WTAP: variants seen among roughly 807,000 people sequenced by gnomAD.
The protein encoded by WTAP is WT1 associated protein.
A neutral mutation model predicts 50.0 loss-of-function variants in WTAP; 8 were observed. The observed-to-expected ratio is 0.16, with a 90% CI of 0.09 to 0.29. The LOEUF (loss-of-function observed/expected upper bound fraction) is 0.29. Among genes scored for constraint, WTAP ranks in the 10% least tolerant of loss-of-function variants. The pLI is 1.00. For synonymous variants in WTAP, 194 were observed against 169.0 expected (o/e 1.15, Z -1.15); for missense variants, 295 against 470.7 (o/e 0.63, Z 3.45).
Position 159,748,076 on chromosome 6 carries a change from A to T in WTAP, c.274-115A>T. On this transcript the variant is annotated intron_variant, in intron 5 of 7. Transcript: ENST00000621533. This position sits in a 1 kb window ranked among gnomAD's most constrained non-coding sequence, Gnocchi z 5.6. The stretch of plus-strand genomic sequence containing the variant: ...TTTCTAGAGAATTTCAGGATCAAAG[A>T]GGGGAGGAGCTTAATGAAAGAGTTG... The T allele has an allele frequency of 7.9e-7, 1 of 1,272,964 alleles. No homozygotes were observed. Among genetic ancestry groups the T allele is most frequent in the Non-Finnish European group, 1.1e-6 (1 of 932,448 alleles). The allele number at this position is 1,272,964 out of a possible 1,614,324, so 78.9% of individuals were successfully genotyped here.
intron 2 of WTAP, among the ~76,000 whole-genome samples, chr6:159,737,881 G>A (rs1454038989): frequency 6.6e-6 from 1 of 152,180 alleles, no homozygotes; most frequent in African/African-American, 2.4e-5. Flanking sequence ...TTTGAAGCAT[G>A]TTAGCTTATG....
Position 159,748,430 on chromosome 6 carries a change from G to C in WTAP, c.452+61G>C, listed in dbSNP as rs756971122. On this transcript the variant is annotated intron_variant, in intron 6 of 7. Transcript: ENST00000621533. The surrounding 1 kb of genome is among the most constrained non-coding windows in gnomAD (Gnocchi z 5.6). ...GACAGTCCCACTACGAGAAAGCTGT[G>C]GTGGGACAGCCAAGTACTCGTTTCC... 1.1e-5 allele frequency: 18 copies of C among 1,591,870 alleles called. No individual in the cohort carries two copies. Among genetic ancestry groups the C allele is most frequent in the Non-Finnish European group, 1.5e-5 (18 of 1,166,998 alleles).
intron 2 of WTAP, among the ~76,000 whole-genome samples, chr6:159,737,816 G>A (rs1779013216): frequency 6.6e-6 from 1 of 152,156 alleles, no homozygotes; most frequent in South Asian, 2.1e-4. Flanking sequence ...AGGTAGGAGA[G>A]GTATCTCACC....
At chr6:159,737,846 G>A (rs1394179914) in intron 2 of WTAP, among the ~76,000 whole-genome samples, 1 of 152,210 alleles carries the variant, frequency 6.6e-6, no homozygotes, top group Admixed American at 6.5e-5. Context: ...TTTATTTGGT[G>A]TAGTGAATAT....
At chr6:159,747,886 C>A (rs1321418734) in intron 5 of WTAP, among the ~76,000 whole-genome samples, 3 of 57,416 alleles carry the variant, frequency 5.2e-5, no homozygotes, top group African/African-American at 1.5e-4. Context: ...AAGTGAGTAA[C>A]CTTAAATAGT....
chr6:159,738,350 CTA>C (rs1779045934), intron 2 of WTAP, among the ~76,000 whole-genome samples: 1 of 152,146 alleles, frequency 6.6e-6, no homozygotes, highest in African/African-American at 2.4e-5. Context: ...CTTTTTGAGA[CTA>C]TTTTTTTTCC....
At chr6:159,734,983 A>G (rs747523547) in intron 1 of WTAP, among the ~76,000 whole-genome samples, 9 of 152,236 alleles carry the variant, frequency 5.9e-5, no homozygotes, top group Non-Finnish European at 1.3e-4. Context: ...ACAGCATAAT[A>G]AAGTGTTCCC....
At chr6:159,736,785 CCT>C (rs988447686) in intron 2 of WTAP, 23 of 153,390 alleles carry the variant, frequency 1.5e-4, no homozygotes, top group South Asian at 4.1e-4. Flanking sequence ...CAAATCTCCC[CCT>C]GTTGTGCATT....
chr6:159,737,316 G>T (rs1048518951), intron 2 of WTAP, among the ~76,000 whole-genome samples: 1 of 152,034 alleles, frequency 6.6e-6, no homozygotes, highest in African/African-American at 2.4e-5. Context: ...CTTCCAAAGT[G>T]CTGGGATAAT....
intron 6 of WTAP, among the ~76,000 whole-genome samples, chr6:159,750,846 C>CCT (rs35685019): frequency 0.74 from 113,331 of 152,128 alleles, 42,878 homozygotes; most frequent in South Asian, 0.85. Context: ...CAGGCAATCC[C>CCT]GTCTGGAATA....
chr6:159,726,940 G>A (rs369341208), upstream of WTAP: 112 of 1,288,476 alleles, frequency 8.7e-5, no homozygotes, highest in East Asian at 5.9e-3. Context: ...ACACGCGGAA[G>A]CATCACGGAT....
At chr6:159,753,746 G>A (rs1779902907) in intron 7 of WTAP, 132 bp downstream of exon 7, 2 of 1,161,758 alleles carry the variant, frequency 1.7e-6, no homozygotes, top group Non-Finnish European at 2.3e-6. Flanking sequence ...ATTATTGTGA[G>A]TGAAGCATTT....
upstream of WTAP, chr6:159,727,340 G>T (rs1157503250): frequency 1.6e-6 from 2 of 1,270,580 alleles, no homozygotes; most frequent in Non-Finnish European, 2.0e-6. Context: ...TCCTGTGAGT[G>T]GGCCAGAAGG....
chr6:159,746,612 G>T (rs571554550), intron 5 of WTAP, among the ~76,000 whole-genome samples: 2 of 152,180 alleles, frequency 1.3e-5, no homozygotes, highest in South Asian at 4.1e-4. Flanking sequence ...TGAGCGTAAG[G>T]CATAAATTAG....
chr6:159,726,949 A>G (rs113133530), upstream of WTAP: 9 of 1,287,948 alleles, frequency 7.0e-6, no homozygotes, highest in South Asian at 1.1e-4. Context: ...AGCATCACGG[A>G]TGAGCGTCAC....
At chr6:159,752,489 T>A (rs1041259433) in intron 6 of WTAP, among the ~76,000 whole-genome samples, 1 of 152,242 alleles carries the variant, frequency 6.6e-6, no homozygotes, top group East Asian at 1.9e-4. Context: ...TTGCTATGTA[T>A]GTGCACATAG....
chr6:159,728,923 TA>T (rs1181612673), intron 1 of WTAP, among the ~76,000 whole-genome samples: 1 of 152,248 alleles, frequency 6.6e-6, no homozygotes, highest in African/African-American at 2.4e-5. Context: ...TGCTAACTCC[TA>T]AAGGATAAAA....
upstream of WTAP, chr6:159,726,986 G>A (rs1778205532): frequency 7.8e-7 from 1 of 1,278,580 alleles, no homozygotes; most frequent in East Asian, 5.6e-5. Context: ...ATCACGCGCC[G>A]CCTTCGCCCA....
intron 1 of WTAP, among the ~76,000 whole-genome samples, chr6:159,733,002 AATGCATG>A (rs1778683127): frequency 6.6e-6 from 1 of 151,944 alleles, no homozygotes; most frequent in African/African-American, 2.4e-5. Context: ...TTTGCAGCCT[AATGCATG>A]TGTCATGCTA....
Sources: allele counts gnomAD v4.1 joint callset (sites outside exome capture counted in the v4.1 genomes callset), GRCh38; gene constraint gnomAD v4.1.1; non-coding constraint Gnocchi (gnomAD v3.1); transcripts MANE v1.5; gene names NCBI Gene and HGNC (gene_info 2026-07-23, HGNC 2026-07-21).